The following SHPK variants were observed in gnomAD, a reference collection of about 807,000 sequenced individuals.
SHPK encodes carbohydrate kinase-like protein.
SHPK carries 51 observed loss-of-function variants against 46.3 expected under a neutral mutation model. That is an observed-to-expected ratio of 1.10 (90% CI 0.88 to 1.39). The LOEUF (loss-of-function observed/expected upper bound fraction) is 1.39, where lower values mean the gene tolerates loss of function less well. Ranked by LOEUF, SHPK falls within the 40% of genes most tolerant of loss-of-function variation. The probability of loss-of-function intolerance (pLI) is 0.00; values close to 1 mark genes in which losing one functional copy is unlikely to be tolerated. For synonymous variants in SHPK, 290 were observed against 273.9 expected (o/e 1.06, Z -0.58); for missense variants, 668 against 641.3 (o/e 1.04, Z -0.45).
rs1169483661 is a variant in SHPK at position 3,622,743 on chromosome 17, C to A, written c.647+596G>T. The A allele has an allele frequency of 1.7e-5, 4 of 235,212 alleles. No individual in the cohort carries two copies. The Admixed American group carries it at 2.8e-4, about 16-fold the overall frequency. 14.6% of individuals were successfully genotyped at this position (235,212 alleles called of 1,614,324 possible). On this transcript the variant is annotated intron_variant, in intron 4 of 6. Coordinates refer to ENST00000225519, the MANE Select transcript of SHPK (RefSeq NM_013276.4). Reference sequence around the variant, plus strand: ...TTTTGAGACAAGAGTCTCGCTCTGTCCCCCAGGCTGGAGTGCCGTGGTGCA... The same window carrying A: ...TTTTGAGACAAGAGTCTCGCTCTGTACCCCAGGCTGGAGTGCCGTGGTGCA...
At chr17:3,635,303 T>G (rs556968449) in intron 1 of SHPK, among the ~76,000 whole-genome samples, 25 of 150,080 alleles carry the variant, frequency 1.7e-4, no homozygotes, top group African/African-American at 5.8e-4. Flanking sequence ...CGGAGCGATC[T>G]CGACTCACTG....
At chr17:3,613,038 C>T (rs2075350065) in intron 6 of SHPK, among the ~76,000 whole-genome samples, 2 of 152,160 alleles carry the variant, frequency 1.3e-5, no homozygotes, top group African/African-American at 4.8e-5. Context: ...GTGTGAGCCA[C>T]CACGCCCAGC....
chr17:3,632,635 C>G (rs930768165), intron 1 of SHPK, among the ~76,000 whole-genome samples: 56 of 152,116 alleles, frequency 3.7e-4, no homozygotes, highest in Non-Finnish European at 2.8e-4. Flanking sequence ...CCCAGTGTAA[C>G]AGGAATAGAC....
At chr17:3,622,216 T>C (rs966108014) in intron 4 of SHPK, among the ~76,000 whole-genome samples, 63 of 152,348 alleles carry the variant, frequency 4.1e-4, no homozygotes, top group African/African-American at 1.4e-3. Context: ...TTCAGTGCCC[T>C]CACAGGCAGC....
At position 3,621,281 on chromosome 17, in the gene SHPK, A is replaced by T. The variant is rs1316719786; in HGVS notation, c.779T>A (p.Leu260Ter). The T allele has an allele frequency of 6.2e-7, 1 of 1,614,068 alleles. No homozygotes were observed. The highest frequency in any genetic ancestry group is 1.3e-5 in the African/African-American group (1 of 75,038). ...GTQVGVALGD[L>*]QASVYSCMAQ... is the part of the protein sequence containing the mutation. ...CATGCAGGAATAGACAGAGGCCTGT[A>T]AATCACCCAAGGCCACTCCCACCTG... Residue 260 changes from leucine to a stop codon, truncating the protein, a stop_gained, in exon 5 of 7, where the codon TTA becomes TAA. Coordinates refer to ENST00000225519, the MANE Select transcript of SHPK (RefSeq NM_013276.4). LOFTEE classifies it high-confidence loss of function.
chr17:3,621,386 T>C lies in SHPK; in HGVS notation c.674A>G (p.His225Arg). ...AGGCTCGGCGATGTCTGGGAGCAGGTGGACAGGAAAACCCGAGCTCCTCAG... is the reference window on the plus strand; with the variant it reads ...AGGCTCGGCGATGTCTGGGAGCAGGCGGACAGGAAAACCCGAGCTCCTCAG... Reference protein sequence around the residue: ...ETLRSSGFPVHLLPDIAEPGS... With the variant: ...ETLRSSGFPVRLLPDIAEPGS... The change falls in exon 5 of 7, where the codon CAC becomes CGC. Residue 225 changes from histidine (H) to arginine (R), a missense_variant. Physicochemically the swap from His to Arg is conservative, Grantham distance 29. Coordinates refer to ENST00000225519, the MANE Select transcript of SHPK (RefSeq NM_013276.4). 1 of 1,614,028 alleles carries C rather than the reference T, an allele frequency of 6.2e-7. No homozygotes were observed. The highest frequency in any genetic ancestry group is 8.5e-7 in the Non-Finnish European group (1 of 1,179,934).
rs1016487962 is a variant in SHPK, at chr17:3,623,328, G to A, written c.647+11C>T. 1.2e-6 allele frequency: 2 copies of A among 1,613,964 alleles called. No homozygotes were observed. Among genetic ancestry groups the A allele is most frequent in the South Asian group, 1.1e-5 (1 of 91,078 alleles). ...AGCAGGAGGAACAGCCTGCAAGGAT[G>A]TGATACTCACGTCTCTACGTTCCAG... On this transcript the variant is annotated intron_variant, in intron 4 of 6. Transcript: ENST00000225519.
rs367735427 is a variant in SHPK at position 3,610,701 on chromosome 17, A to G, written c.1296T>C (p.Ser432=). 1 of 1,613,820 alleles carries G rather than the reference A, an allele frequency of 6.2e-7. No homozygotes were observed. Among genetic ancestry groups the G allele is most frequent in the African/African-American group, 1.3e-5 (1 of 74,852 alleles). Residue 432 remains serine (S), a synonymous_variant, in exon 7 of 7, where the codon AGT becomes AGC. Transcript: ENST00000225519. ...TCAGCACGTCATTCCTGGACAGCGCACTCCCACTGCCCATCACCCTCTCCA... is the reference window on the plus strand; with the variant it reads ...TCAGCACGTCATTCCTGGACAGCGCGCTCCCACTGCCCATCACCCTCTCCA... The part of the protein sequence containing the change: ...WGVERVMGSG[S]ALSRNDVLKQ...
At chr17:3,613,048 C>T (rs2075350160) in intron 6 of SHPK, among the ~76,000 whole-genome samples, 1 of 152,142 alleles carries the variant, frequency 6.6e-6, no homozygotes, top group East Asian at 1.9e-4. Flanking sequence ...CCACGCCCAG[C>T]CAGGGATCTT....
intron 1 of SHPK, among the ~76,000 whole-genome samples, chr17:3,635,193 T>TGAAGGAAGGAAGAAAGGAAGGAAGGAAG (rs746755300): frequency 0.027 from 1,654 of 60,478 alleles, 175 homozygotes; most frequent in Non-Finnish European, 0.034. Flanking sequence ...AAGGAAAGAA[T>TGAAGGAAGGAAGAAAGGAAGGAAGGAAG]GAAGGAAGGA....
rs1223670607 is a variant in SHPK, at chr17:3,623,953, C to T, written c.494+95G>A. The T allele has an allele frequency of 2.6e-5, 32 of 1,253,198 alleles. No homozygotes were observed. The South Asian group carries it at 4.1e-4, about 16-fold the overall frequency. 77.6% of individuals were successfully genotyped at this position (1,253,198 alleles called of 1,614,324 possible). A position where few individuals can be genotyped will look rare whatever the true frequency, so the allele number is the denominator to read the frequency against. ...TCCTGCCAGGACACACTCACTGCGG[C>T]ACAGCCCAGCAGGCGGGGTGATGCT... On this transcript the variant is annotated intron_variant, in intron 3 of 6. Transcript: ENST00000225519.
At chr17:3,619,836 C>T in intron 5 of SHPK, 1 of 417,060 alleles carries the variant, frequency 2.4e-6, no homozygotes, top group Non-Finnish European at 4.7e-6. Flanking sequence ...TAGCTTGGTT[C>T]CTCTCCTCTG....
intron 4 of SHPK, 77 bp from the exon 5 acceptor site, chr17:3,621,489 C>G: frequency 1.5e-6 from 2 of 1,363,370 alleles, no homozygotes; most frequent in Non-Finnish European, 2.0e-6. Context: ...CTTCCTTCCT[C>G]CCTTCCTTCT....
intron 5 of SHPK, chr17:3,619,648 G>A (rs770299933): frequency 7.2e-5 from 25 of 344,982 alleles, no homozygotes; most frequent in Admixed American, 1.3e-4. Flanking sequence ...CAGGAGAATC[G>A]CTTGAACCCC....
At chr17:3,614,474 G>A (rs983675451) in intron 6 of SHPK, among the ~76,000 whole-genome samples, 2 of 151,612 alleles carry the variant, frequency 1.3e-5, no homozygotes, top group Non-Finnish European at 2.9e-5. Context: ...GCAGTGAGCC[G>A]AGATCGCACT....
intron 3 of SHPK, 144 bp from the exon 4 acceptor site, chr17:3,623,635 G>T: frequency 1.2e-6 from 1 of 822,330 alleles, no homozygotes; most frequent in Non-Finnish European, 2.0e-6. Flanking sequence ...AGTCCAGCTG[G>T]GTCCCTGGGA....
chr17:3,631,994 G>C (rs918833962), intron 1 of SHPK, among the ~76,000 whole-genome samples: 12 of 151,438 alleles, frequency 7.9e-5, no homozygotes, highest in African/African-American at 2.9e-4. Flanking sequence ...GAATCTCACT[G>C]TCACCAGGTT....
intron 1 of SHPK, among the ~76,000 whole-genome samples, chr17:3,631,233 T>A (rs990653124): frequency 6.7e-6 from 1 of 149,096 alleles, no homozygotes; most frequent in Non-Finnish European, 1.5e-5. Context: ...GGATTCTACA[T>A]GCAAGAGAGG....
chr17:3,626,678 C>A (rs1334760654), intron 2 of SHPK, among the ~76,000 whole-genome samples: 4 of 147,830 alleles, frequency 2.7e-5, no homozygotes, highest in Admixed American at 6.9e-5. Context: ...GCAGAGATTG[C>A]GCCACTGCAC....
Sources: allele counts gnomAD v4.1 joint callset (sites outside exome capture counted in the v4.1 genomes callset), GRCh38; gene constraint gnomAD v4.1.1; transcripts MANE v1.5; gene names NCBI Gene and HGNC (gene_info 2026-07-23, HGNC 2026-07-21).